CRB1: variants seen among roughly 807,000 people sequenced by gnomAD.
The protein encoded by CRB1 is crumbs cell polarity complex component 1.
A neutral mutation model predicts 120.0 loss-of-function variants in CRB1; 83 were observed. The observed-to-expected ratio is 0.69, with a 90% confidence interval of 0.58 to 0.83. CRB1 has a LOEUF of 0.83. CRB1 is among the 40% of genes least tolerant of loss of function. The probability of loss-of-function intolerance (pLI) is 0.00; values close to 1 mark genes in which losing one functional copy is unlikely to be tolerated. For synonymous variants in CRB1, 625 were observed against 612.5 expected (o/e 1.02, Z -0.30); for missense variants, 1,699 against 1,687.6 (o/e 1.01, Z -0.12).
intron 1 of CRB1, among the ~76,000 whole-genome samples, chr1:197,299,240 TA>T (rs1172338899): frequency 3.3e-5 from 5 of 152,014 alleles, no homozygotes; most frequent in African/African-American, 9.7e-5. Flanking sequence ...GTCAAAAACA[TA>T]AGAAAATGCA....
chr1:197,244,585 A>G, the CRB1 span, among the ~76,000 whole-genome samples: 2 of 151,882 alleles, frequency 1.3e-5, no homozygotes, highest in African/African-American at 4.8e-5. Flanking sequence ...ATTGATTTCA[A>G]GATTTTTTCT....
rs146051844 is a variant in CRB1, at chr1:197,343,546, C to T, written c.653-735C>T. On this transcript the variant is annotated intron_variant, in intron 2 of 11. Coordinates refer to ENST00000367400, the MANE Select transcript of CRB1 (RefSeq NM_201253.3). ...TAGCTTCTAATGATGCCATTAATTA[C>T]ATTGTCACCAGTTTTTGTATTTAAG... Among the ~76,000 whole-genome samples, 30 of 151,960 alleles carry T rather than the reference C, an allele frequency of 2.0e-4. No individual in the cohort carries two copies. The East Asian group carries it at 5.4e-3, about 27-fold the overall frequency.
intron 10 of CRB1, 135 bp from the exon 11 acceptor site, chr1:197,442,031 G>A: frequency 1.0e-6 from 1 of 980,000 alleles, no homozygotes; most frequent in Admixed American, 1.8e-5. Flanking sequence ...ACATTATCAA[G>A]TATGTATAAA....
intron 4 of CRB1, among the ~76,000 whole-genome samples, chr1:197,354,765 C>G (rs536774379): frequency 3.1e-5 from 4 of 131,142 alleles, no homozygotes; most frequent in African/African-American, 8.4e-5. Flanking sequence ...GACCTCAGCA[C>G]GTTGCCACTG....
Position 197,421,714 on chromosome 1 carries a change from A to C in CRB1, c.1886A>C (p.Asn629Thr), listed in dbSNP as rs1471854178. ...GMTSNGVALL[N>T]FYNMPSTPSF... ...ACCAGCAATGGTGTTGCTCTGCTTAACTTCTATAATATGCCATCCACACCT... is the reference window on the plus strand; with the variant it reads ...ACCAGCAATGGTGTTGCTCTGCTTACCTTCTATAATATGCCATCCACACCT... The change falls in exon 6 of 12, where the codon AAC (asparagine) becomes ACC (threonine). Residue 629 changes from asparagine (N) to threonine (T), a missense_variant. Coordinates refer to ENST00000367400, the MANE Select transcript of CRB1 (RefSeq NM_201253.3). 3 of 1,614,192 alleles carry C rather than the reference A, an allele frequency of 1.9e-6. No homozygotes were observed. In the East Asian group the frequency reaches 6.7e-5, roughly 36 times the overall value.
At chr1:197,358,909 T>C (rs1335208451) in intron 5 of CRB1, among the ~76,000 whole-genome samples, 1 of 152,214 alleles carries the variant, frequency 6.6e-6, no homozygotes, top group East Asian at 1.9e-4. Flanking sequence ...AGATAACCAA[T>C]TTGACACAAT....
chr1:197,403,244 C>A (rs1663158860), intron 5 of CRB1, among the ~76,000 whole-genome samples: 1 of 152,230 alleles, frequency 6.6e-6, no homozygotes, highest in African/African-American at 2.4e-5. Context: ...TGTATTCCCT[C>A]TTGCTTTACC....
At chr1:197,362,562 T>C (rs1277051302) in intron 5 of CRB1, among the ~76,000 whole-genome samples, 4 of 152,150 alleles carry the variant, frequency 2.6e-5, no homozygotes, top group African/African-American at 9.6e-5. Context: ...TTGTTTGATA[T>C]ATACACATTT....
chr1:197,265,889 T>C (rs142662880), upstream of CRB1, among the ~76,000 whole-genome samples: 9 of 152,292 alleles, frequency 5.9e-5, no homozygotes, highest in South Asian at 8.3e-4. Context: ...CATTGCTACA[T>C]TGCTGCTAGA....
intron 8 of CRB1, among the ~76,000 whole-genome samples, chr1:197,432,668 C>T (rs1022891956): frequency 7.9e-5 from 12 of 151,984 alleles, no homozygotes; most frequent in African/African-American, 2.9e-4. Flanking sequence ...AAGCTTATGT[C>T]CTAGTGCAGA....
intron 11 of CRB1, among the ~76,000 whole-genome samples, chr1:197,453,161 C>A (rs889615273): frequency 6.6e-6 from 1 of 151,258 alleles, no homozygotes; most frequent in African/African-American, 2.4e-5. Context: ...TATGAGATAT[C>A]TAGAAGAGTC....
the CRB1 span, among the ~76,000 whole-genome samples, chr1:197,236,443 A>G: frequency 6.6e-6 from 1 of 151,894 alleles, no homozygotes; most frequent in Non-Finnish European, 1.5e-5. Context: ...TCGTGATCCA[A>G]CTGCCTCGGC....
chr1:197,265,724 T>TAGAG (rs1287931048), upstream of CRB1, among the ~76,000 whole-genome samples: 20 of 152,306 alleles, frequency 1.3e-4, no homozygotes, highest in East Asian at 3.5e-3. Flanking sequence ...CCTTAATCTC[T>TAGAG]ATATGTCTTT....
At chr1:197,366,790 C>T (rs2125374365) in intron 5 of CRB1, among the ~76,000 whole-genome samples, 1 of 152,110 alleles carries the variant, frequency 6.6e-6, no homozygotes, top group Non-Finnish European at 1.5e-5. Flanking sequence ...CCAGAGAAAC[C>T]AAAAGTCTCA....
rs1414446991 is a variant in CRB1, at chr1:197,421,660, C to A, written c.1832C>A (p.Ser611Tyr). Residue 611 changes from serine (S) to tyrosine (Y), a missense_variant, in exon 6 of 12, where the codon TCC becomes TAC. Physicochemically the swap from Ser to Tyr is moderately radical, Grantham distance 144 (BLOSUM62 -2). Transcript: ENST00000367400. ...CAATCAATATGTGCTTTTCAGAACT[C>A]CTTTTTGGGTGGTTTACCAGTGGGA... ...SDQSICAFQN[S>Y]FLGGLPVGMT... 1 of 1,614,220 alleles carries A rather than the reference C, an allele frequency of 6.2e-7. No homozygotes were observed. The highest frequency in any genetic ancestry group is 8.5e-7 in the Non-Finnish European group (1 of 1,180,048).
rs190718589 is a variant in CRB1 at position 197,349,024 on chromosome 1, T to A, written c.988+1545T>A. ...ACATTCATTCATTACTCATTGACTC[T>A]CAAGAGCAACTTCCAGACCTCCAAG... On this transcript the variant is annotated intron_variant, in intron 4 of 11. Transcript: ENST00000367400. Among the ~76,000 whole-genome samples the A allele has an allele frequency of 3.0e-3, 451 of 152,318 alleles. 2 individuals carry two copies. Among genetic ancestry groups the A allele is most frequent in the African/African-American group, 0.01 (433 of 41,566 alleles).
rs370895996 is a variant in CRB1 at position 197,387,558 on chromosome 1, C to T, written c.1171+30545C>T. On this transcript the variant is annotated intron_variant, in intron 5 of 11. Transcript: ENST00000367400. ...AGCTATATTTGATTTTGGCACCTGG[C>T]GTACTAAAAATGACTTGACCTTAGA... is the stretch of plus-strand genomic sequence containing the variant. Among the ~76,000 whole-genome samples the T allele has an allele frequency of 1.3e-3, 198 of 151,884 alleles. 3 individuals carry two copies. In the South Asian group the frequency reaches 0.015, roughly 11 times the overall value.
intron 9 of CRB1, 37 bp downstream of exon 9, chr1:197,435,649 G>A (rs1349150660): frequency 6.5e-7 from 1 of 1,537,900 alleles, no homozygotes; most frequent in South Asian, 1.1e-5. Flanking sequence ...GGTCTTTGAA[G>A]CTATACTCTG....
intron 5 of CRB1, among the ~76,000 whole-genome samples, chr1:197,377,519 C>T (rs1388485827): frequency 3.9e-5 from 6 of 152,134 alleles, no homozygotes; most frequent in Non-Finnish European, 8.8e-5. Flanking sequence ...TCTCCTAATC[C>T]GGAAGTAACT....
Sources: allele counts gnomAD v4.1 joint callset (sites outside exome capture counted in the v4.1 genomes callset), GRCh38; gene constraint gnomAD v4.1.1; transcripts MANE v1.5; gene names NCBI Gene and HGNC (gene_info 2026-07-23, HGNC 2026-07-21).